ZNF600: variants seen among roughly 807,000 people sequenced by gnomAD.
ZNF600 encodes zinc finger protein KR-ZNF1.
ZNF600 carries 4 observed loss-of-function variants against 7.3 expected under a neutral mutation model. The observed-to-expected ratio is 0.55, with a 90% confidence interval of 0.27 to 1.25. The LOEUF is 1.25. Among genes scored for constraint, ZNF600 ranks in the 50% most tolerant of loss-of-function variants. The pLI is 0.12. For synonymous variants in ZNF600, 290 were observed against 308.9 expected (o/e 0.94, Z 0.64); for missense variants, 911 against 922.1 (o/e 0.99, Z 0.16).
the ZNF600 span, among the ~76,000 whole-genome samples, chr19:52,823,216 T>G: frequency 3.3e-5 from 5 of 151,822 alleles, no homozygotes; most frequent in South Asian, 2.1e-4. Flanking sequence ...TTTTGTTTTG[T>G]TTTGGTTTGG....
rs532618802 is a variant in ZNF600 at position 52,772,951 on chromosome 19, C to T, written c.190+1624G>A. On this transcript the variant is annotated intron_variant, in intron 3 of 3. Coordinates refer to ENST00000648973, the Ensembl canonical transcript of ZNF600. ...ATGGATCATGTGCTGAGTCATGATG[C>T]CCTGCACACACTGATTTAAGCGGCC... is the stretch of plus-strand genomic sequence containing the variant. Among the ~76,000 whole-genome samples the T allele has an allele frequency of 3.1e-3, 469 of 152,292 alleles. 3 individuals are homozygous for T. The highest frequency in any genetic ancestry group is 0.014 in the Middle Eastern group (4 of 294).
chr19:52,812,832 A>C, the ZNF600 span, among the ~76,000 whole-genome samples: 1 of 151,380 alleles, frequency 6.6e-6, no homozygotes, highest in African/African-American at 2.4e-5. Context: ...GGATGACATA[A>C]ACTGGGCAAG....
the ZNF600 span, among the ~76,000 whole-genome samples, chr19:52,809,255 C>T: frequency 4.0e-4 from 61 of 152,190 alleles, no homozygotes; most frequent in African/African-American, 1.3e-3. Flanking sequence ...TGTAGTAATG[C>T]GGACGTGCAC....
At chr19:52,765,649 A>C in exon 4 of ZNF600, 1 of 1,614,014 alleles carries the variant, frequency 6.2e-7, no homozygotes. Flanking sequence ...TGCTTGCTAA[A>C]GGCTTTGCCA....
At chr19:52,765,219 C>T (rs996015295) in exon 4 of ZNF600, 30 of 533,988 alleles carry the variant, frequency 5.6e-5, no homozygotes, top group Admixed American at 1.7e-4. Context: ...AAGGAGTGAC[C>T]TCGGACTCAA....
intron 1 of ZNF600, among the ~76,000 whole-genome samples, chr19:52,783,776 CTT>C (rs920100123): frequency 5.9e-5 from 9 of 152,056 alleles, no homozygotes; most frequent in African/African-American, 2.2e-4. Context: ...TTGCTCCATT[CTT>C]TTTTGTTTTT....
At chr19:52,765,749 C>T (rs2062565110) in exon 4 of ZNF600, 3 of 1,613,702 alleles carry the variant, frequency 1.9e-6, no homozygotes, top group Non-Finnish European at 2.5e-6. Flanking sequence ...TGTCACAAAC[C>T]TTACATTTGT....
chr19:52,809,898 C>T, the ZNF600 span: 17 of 816,774 alleles, frequency 2.1e-5, no homozygotes, highest in Middle Eastern at 3.5e-4. Context: ...GCCGGGGCGG[C>T]GCCATCTTGT....
upstream of ZNF600, among the ~76,000 whole-genome samples, chr19:52,788,298 A>G (rs1281299664): frequency 6.6e-6 from 1 of 152,222 alleles, no homozygotes; most frequent in African/African-American, 2.4e-5. Context: ...TTCAGAAAGG[A>G]AAGAGACAGA....
chr19:52,817,861 G>A, the ZNF600 span: 33 of 1,598,010 alleles, frequency 2.1e-5, no homozygotes, highest in Middle Eastern at 3.3e-4. Flanking sequence ...GGACACTTCA[G>A]ACTCAGAGAA....
intron 2 of ZNF600, among the ~76,000 whole-genome samples, chr19:52,777,314 G>GT (rs1232884526): frequency 2.6e-5 from 4 of 152,142 alleles, no homozygotes; most frequent in Non-Finnish European, 5.9e-5. Context: ...GAAGGCAGAG[G>GT]GGCAGGGAGC....
At chr19:52,766,952 A>G in exon 4 of ZNF600, 1 of 1,614,168 alleles carries the variant, frequency 6.2e-7, no homozygotes, top group Non-Finnish European at 8.5e-7. Context: ...TTTCTCCAGT[A>G]TGAATTGCCT....
At chr19:52,825,802 A>G in the ZNF600 span, among the ~76,000 whole-genome samples, 1 of 152,222 alleles carries the variant, frequency 6.6e-6, no homozygotes, top group African/African-American at 2.4e-5. Context: ...CCTGGCCAAC[A>G]TGGTGAAACT....
the ZNF600 span, among the ~76,000 whole-genome samples, chr19:52,827,577 A>AT: frequency 0.017 from 2,376 of 143,334 alleles, 77 homozygotes; most frequent in African/African-American, 0.05. Context: ...TAGAAGAAGG[A>AT]TTTTTTTTTT....
the ZNF600 span, among the ~76,000 whole-genome samples, chr19:52,824,422 G>C: frequency 6.6e-6 from 1 of 152,106 alleles, no homozygotes; most frequent in Admixed American, 6.6e-5. Flanking sequence ...ATCACCTGAG[G>C]TCAGGACTGT....
At chr19:52,793,215 C>G in the ZNF600 span, among the ~76,000 whole-genome samples, 1 of 152,154 alleles carries the variant, frequency 6.6e-6, no homozygotes, top group Non-Finnish European at 1.5e-5. Flanking sequence ...TGATGTCTCA[C>G]GTCTCCATGT....
At chr19:52,809,889 C>G in the ZNF600 span, 2 of 784,078 alleles carry the variant, frequency 2.6e-6, no homozygotes, top group East Asian at 2.7e-5. Flanking sequence ...GGGATCCAGG[C>G]CGGGGCGGCG....
chr19:52,786,736 G>C, exon 1 of ZNF600: 1 of 374,946 alleles, frequency 2.7e-6, no homozygotes, highest in Non-Finnish European at 5.7e-6. Context: ...CTCACGCGCC[G>C]TGGTAGGACC....
At chr19:52,810,208 T>C in the ZNF600 span, 1 of 1,080,862 alleles carries the variant, frequency 9.3e-7, no homozygotes, top group East Asian at 2.4e-5. Flanking sequence ...CTAAAGGAGC[T>C]ACAGAACGAC....
Sources: gnomAD v4.1 joint callset for allele counts (sites outside exome capture counted in the v4.1 genomes callset) on GRCh38, gnomAD v4.1.1 for gene constraint, MANE v1.5 for transcripts, NCBI Gene and HGNC (gene_info 2026-07-23, HGNC 2026-07-21) for gene names.